ARHGEF4: variants seen among roughly 807,000 people sequenced by gnomAD.
ARHGEF4 encodes the protein APC-stimulated guanine nucleotide exchange factor 1.
In ARHGEF4, 119 loss-of-function variants were observed where a neutral mutation model predicts 162.0. The ratio of observed to expected loss-of-function variants is 0.73; its 90% confidence interval spans 0.63 to 0.86. The LOEUF (loss-of-function observed/expected upper bound fraction) is 0.86. ARHGEF4 is among the 40% of genes least tolerant of loss of function. The pLI, the probability that ARHGEF4 is intolerant of heterozygous loss-of-function variation, is 0.00. For synonymous variants in ARHGEF4, 1,014 were observed against 979.9 expected (o/e 1.03, Z -0.65); for missense variants, 2,488 against 2,456.0 (o/e 1.01, Z -0.28).
chr2:130,954,335 T>G (rs985408914), intron 4 of ARHGEF4, among the ~76,000 whole-genome samples: 1 of 152,124 alleles, frequency 6.6e-6, no homozygotes, highest in African/African-American at 2.4e-5. Context: ...TTCTCACTCA[T>G]AGGTGGGAAG....
chr2:130,905,311 CT>C (rs201515992), intron 1 of ARHGEF4, among the ~76,000 whole-genome samples: 6 of 151,162 alleles, frequency 4.0e-5, no homozygotes, highest in Non-Finnish European at 5.9e-5. Context: ...GTCATTTATC[CT>C]TTTTTTTTCT....
intron 1 of ARHGEF4, among the ~76,000 whole-genome samples, chr2:130,857,311 T>C (rs1259639858): frequency 7.5e-6 from 1 of 133,348 alleles, no homozygotes; most frequent in East Asian, 2.2e-4. Flanking sequence ...AAAAAAGACA[T>C]AAGATTATAT....
chr2:131,040,401 C>G lies in ARHGEF4; in HGVS notation c.4623C>G (p.Arg1541=), dbSNP rs775393940. Residue 1541 remains arginine, a synonymous_variant, in exon 8 of 14, where the codon CGC becomes CGG. Coordinates refer to ENST00000409359, the MANE Select transcript of ARHGEF4 (RefSeq NM_001367493.1). ...TGGAGCAGAGGTTCAACCGCGAGCG[C>G]CCACACCTGAGCGAGCTGGGTGCCT... ...KALEQRFNRE[R]PHLSELGACF... 1.2e-6 allele frequency: 2 copies of G among 1,606,922 alleles called. No individual in the cohort carries two copies. Among genetic ancestry groups the G allele is most frequent in the East Asian group, 2.2e-5 (1 of 44,580 alleles).
At chr2:130,948,243 GATTA>G (rs2105153840) in intron 4 of ARHGEF4, among the ~76,000 whole-genome samples, 2 of 152,366 alleles carry the variant, frequency 1.3e-5, no homozygotes, top group African/African-American at 4.8e-5. Context: ...TGGCTGCTCA[GATTA>G]GCTGGTGGAT....
intron 10 of ARHGEF4, 152 bp from the exon 11 acceptor site, chr2:131,043,300 C>A: frequency 2.0e-6 from 2 of 998,698 alleles, no homozygotes; most frequent in Non-Finnish European, 2.9e-6. Context: ...GCCAGACGTG[C>A]CACCTCTTCC....
At chr2:131,003,497 G>A (rs563576246) in intron 4 of ARHGEF4, among the ~76,000 whole-genome samples, 1 of 152,318 alleles carries the variant, frequency 6.6e-6, no homozygotes, top group Admixed American at 6.5e-5. Context: ...CAGTTGATGG[G>A]AAGGCACAAT....
chr2:130,917,634 G>A (rs1047395556), intron 2 of ARHGEF4, 136 bp downstream of exon 2: 10 of 1,141,362 alleles, frequency 8.8e-6, no homozygotes, highest in South Asian at 1.7e-5. Context: ...ACTCCCAGCC[G>A]CCCCCCCTCC....
At chr2:130,988,891 TATATATATATAGAGAG>T (rs1314851539) in intron 4 of ARHGEF4, among the ~76,000 whole-genome samples, 247 of 116,238 alleles carry the variant, frequency 2.1e-3, no homozygotes, top group Middle Eastern at 4.4e-3. Context: ...TATATATATA[TATATATATATAGAGAG>T]AGAGAGAGAG....
rs749819196 is a variant in ARHGEF4, at chr2:130,892,466, A to G, written c.40-21520A>G. Among the ~76,000 whole-genome samples the G allele has an allele frequency of 6.0e-4, 91 of 152,098 alleles. 1 individual carries two copies. The highest frequency in any genetic ancestry group is 4.6e-4 in the Admixed American group (7 of 15,264). ...AGATTGTGACCTGCGCTTCTTACCA[A>G]CTGGTTATAAATCAGGGTCCCATGA... On this transcript the variant is annotated intron_variant, in intron 1 of 13. Transcript: ENST00000409359.
intron 12 of ARHGEF4, 73 bp from the exon 13 acceptor site, chr2:131,045,296 G>C: frequency 7.4e-7 from 1 of 1,354,500 alleles, no homozygotes; most frequent in Non-Finnish European, 1.0e-6. Context: ...GCACCAGGAA[G>C]GTGCAGGTGT....
At chr2:130,896,367 G>A (rs2105002369) in intron 1 of ARHGEF4, among the ~76,000 whole-genome samples, 1 of 152,310 alleles carries the variant, frequency 6.6e-6, no homozygotes, top group East Asian at 1.9e-4. Flanking sequence ...CCTATTTGTT[G>A]TGGTCCAAGT....
intron 2 of ARHGEF4, among the ~76,000 whole-genome samples, chr2:130,925,178 T>C (rs1489356101): frequency 6.6e-6 from 1 of 151,960 alleles, no homozygotes; most frequent in Non-Finnish European, 1.5e-5. Context: ...CTAAAATAGT[T>C]AAAACAATTT....
chr2:131,039,252 T>C, intron 6 of ARHGEF4: 1 of 1,286,454 alleles, frequency 7.8e-7, no homozygotes, highest in Non-Finnish European at 1.0e-6. Context: ...AGGAGAGCAG[T>C]CGAGAAATGA....
At chr2:130,927,590 T>A (rs907025683) in intron 2 of ARHGEF4, among the ~76,000 whole-genome samples, 3 of 152,188 alleles carry the variant, frequency 2.0e-5, no homozygotes, top group Admixed American at 2.0e-4. Context: ...GCTAGGCTGG[T>A]CCTTTAGCTA....
Position 130,915,817 on chromosome 2 carries a change from C to T in ARHGEF4, c.1871C>T (p.Ala624Val). 1 of 1,524,728 alleles carries T rather than the reference C, an allele frequency of 6.6e-7. No individual in the cohort carries two copies. Among genetic ancestry groups the T allele is most frequent in the Non-Finnish European group, 8.8e-7 (1 of 1,134,688 alleles). The allele number at this position is 1,524,728 out of a possible 1,614,324, so 94.4% of individuals were successfully genotyped here. A position where few individuals can be genotyped will look rare whatever the true frequency, so the allele number is the denominator to read the frequency against. The part of the protein sequence containing the change: ...RQLEPKAGGE[A>V]SRGRGALIIV... ...CTGGAGCCCAAAGCAGGCGGCGAGG[C>T]CTCGAGGGGCAGGGGCGCCCTCATC... The change falls in exon 2 of 14, where the codon GCC (alanine) becomes GTC (valine). Residue 624 changes from alanine (A) to valine (V), a missense_variant. Ala to Val is a moderately conservative substitution (Grantham distance 64). This residue lies in a region of ARHGEF4 where 1,642 missense variants were observed against 1,481.5 expected (regional missense o/e 1.11). Coordinates refer to ENST00000409359, the MANE Select transcript of ARHGEF4 (RefSeq NM_001367493.1).
At chr2:130,885,040 C>T (rs897229022) in intron 1 of ARHGEF4, among the ~76,000 whole-genome samples, 2 of 152,120 alleles carry the variant, frequency 1.3e-5, no homozygotes, top group Non-Finnish European at 2.9e-5. Flanking sequence ...GATGCCATTA[C>T]TAATCTACTC....
At chr2:130,887,914 G>A (rs973431304) in intron 1 of ARHGEF4, among the ~76,000 whole-genome samples, 4 of 152,106 alleles carry the variant, frequency 2.6e-5, no homozygotes, top group Non-Finnish European at 5.9e-5. Flanking sequence ...TCATAGACTA[G>A]ACCTGAGTCC....
At chr2:130,984,081 G>A (rs1276267458) in intron 4 of ARHGEF4, among the ~76,000 whole-genome samples, 1 of 152,236 alleles carries the variant, frequency 6.6e-6, no homozygotes, top group Non-Finnish European at 1.5e-5. Context: ...CTCTAGCAAT[G>A]AGATAGCAAT....
At chr2:130,948,134 G>A (rs962762882) in intron 4 of ARHGEF4, among the ~76,000 whole-genome samples, 2 of 152,220 alleles carry the variant, frequency 1.3e-5, no homozygotes, top group African/African-American at 4.8e-5. Flanking sequence ...GAATGCTGGA[G>A]TTTGGCATGT....
Sources: allele counts gnomAD v4.1 joint callset (sites outside exome capture counted in the v4.1 genomes callset), GRCh38; gene constraint gnomAD v4.1.1; regional missense constraint gnomAD v4.1.1; transcripts MANE v1.5; gene names NCBI Gene and HGNC (gene_info 2026-07-23, HGNC 2026-07-21).